CUX2: variants seen among roughly 807,000 people sequenced by gnomAD.
CUX2 encodes cut like homeobox 2.
In CUX2, 40 loss-of-function variants were observed where a neutral mutation model predicts 144.8. That is an observed-to-expected ratio of 0.28 (90% confidence interval 0.21 to 0.36). The LOEUF is 0.36. CUX2 is among the 10% of genes least tolerant of loss of function. The pLI, the probability that CUX2 is intolerant of heterozygous loss-of-function variation, is 1.00. For synonymous variants in CUX2, 827 were observed against 875.6 expected, an observed-to-expected ratio of 0.94 and a Z score of 0.98; for missense variants, 1,615 against 1,994.0, an observed-to-expected ratio of 0.81 and a Z score of 3.62.
At chr12:111,105,665 T>G (rs896913888) in intron 1 of CUX2, among the ~76,000 whole-genome samples, 1 of 152,186 alleles carries the variant, frequency 6.6e-6, no homozygotes, top group Non-Finnish European at 1.5e-5. Flanking sequence ...AGACCTGGGT[T>G]TGAAGCCTGC....
intron 18 of CUX2, among the ~76,000 whole-genome samples, chr12:111,331,956 T>C (rs1888136263): frequency 6.6e-6 from 1 of 151,690 alleles, no homozygotes; most frequent in Non-Finnish European, 1.5e-5. Context: ...GGCAAACGCT[T>C]GTAATCCCAG....
At chr12:111,169,355 C>T (rs980770264) in intron 1 of CUX2, among the ~76,000 whole-genome samples, 2 of 152,192 alleles carry the variant, frequency 1.3e-5, no homozygotes, top group Non-Finnish European at 2.9e-5. Context: ...TTCCAGCCTC[C>T]AGAAGCGGGA....
rs905431406 is a variant in CUX2, at chr12:111,186,554, G to A, written c.64-27646G>A. ...CCACACCCGGCCACCAGGACCCATG[G>A]TTGCTGAGAGAGAGAAGGGCGACTC... On this transcript the variant is annotated intron_variant, in intron 1 of 21. Transcript: ENST00000261726. The surrounding 1 kb of genome is among the most constrained non-coding windows in gnomAD (Gnocchi z 4.4). 1.3e-5 allele frequency among the ~76,000 whole-genome samples: 2 copies of A among 152,182 alleles called. No individual in the cohort carries two copies. Among genetic ancestry groups the A allele is most frequent in the African/African-American group, 4.8e-5 (2 of 41,450 alleles).
At chr12:111,150,411 C>T (rs1280322496) in intron 1 of CUX2, among the ~76,000 whole-genome samples, 7 of 152,190 alleles carry the variant, frequency 4.6e-5, no homozygotes, top group South Asian at 4.1e-4. Context: ...GCCAAAGCCA[C>T]GCAAAGAAAC....
At chr12:111,189,270 T>G (rs2136191919) in intron 1 of CUX2, among the ~76,000 whole-genome samples, 1 of 152,134 alleles carries the variant, frequency 6.6e-6, no homozygotes, top group Non-Finnish European at 1.5e-5. Context: ...AGACCCTGTC[T>G]CAAAAAGAAA....
chr12:111,115,534 C>A (rs1360368096), intron 1 of CUX2, among the ~76,000 whole-genome samples: 1 of 152,032 alleles, frequency 6.6e-6, no homozygotes, highest in Non-Finnish European at 1.5e-5. Flanking sequence ...ATCTGCCCAC[C>A]TTGGCCTTCC....
At chr12:111,150,021 A>G (rs1876936351) in intron 1 of CUX2, among the ~76,000 whole-genome samples, 1 of 152,236 alleles carries the variant, frequency 6.6e-6, no homozygotes, top group African/African-American at 2.4e-5. Context: ...GAATAAAGCC[A>G]GGAGTAATAC....
intron 3 of CUX2, among the ~76,000 whole-genome samples, chr12:111,236,978 A>G (rs1219903352): frequency 1.3e-5 from 2 of 152,100 alleles, no homozygotes; most frequent in East Asian, 1.9e-4. Context: ...ATGAGACCTC[A>G]TCTCTACAAA....
intron 3 of CUX2, among the ~76,000 whole-genome samples, chr12:111,261,202 G>C (rs959317763): frequency 6.6e-6 from 1 of 152,196 alleles, no homozygotes; most frequent in Non-Finnish European, 1.5e-5. Flanking sequence ...GTGACCTTGG[G>C]CAAGTGGCTT....
chr12:111,341,928 G>A lies in CUX2; in HGVS notation c.3534G>A (p.Glu1178=). 1 of 1,614,142 alleles carries A rather than the reference G, an allele frequency of 6.2e-7. No individual in the cohort carries two copies. The highest frequency in any genetic ancestry group is 8.5e-7 in the Non-Finnish European group (1 of 1,180,028). Residue 1178 remains glutamate, a synonymous_variant, in exon 21 of 22, where the codon GAG becomes GAA. Transcript: ENST00000261726. ...IKKPRVVLAP[E]EKEALRKAYQ... is the part of the protein sequence containing the mutation. The stretch of plus-strand genomic sequence containing the variant: ...AGCCCCGGGTGGTGCTGGCACCCGA[G>A]GAGAAGGAGGCACTGCGGAAGGCCT...
chr12:111,097,563 T>C (rs1872894188), intron 1 of CUX2, among the ~76,000 whole-genome samples: 1 of 152,210 alleles, frequency 6.6e-6, no homozygotes, highest in African/African-American at 2.4e-5. Flanking sequence ...TACATATTCA[T>C]GTGCCTACCC....
In CUX2 at chr12:111,219,384, C is replaced by CA. The variant is rs751519383; in HGVS notation, c.222+1462dup. On this transcript the variant is annotated intron_variant, in intron 3 of 21. Coordinates refer to ENST00000261726, the MANE Select transcript of CUX2 (RefSeq NM_015267.4). Reference sequence around the variant, plus strand: ...TATATAATGTCATGACTTTGTGTTACAAAAAAAAAAAAAAATAGAGGTTCC... The same window carrying CA: ...TATATAATGTCATGACTTTGTGTTACAAAAAAAAAAAAAAAATAGAGGTTCC... 3.7e-3 allele frequency among the ~76,000 whole-genome samples: 448 copies of CA among 120,332 alleles called. 1 individual carries two copies. Among genetic ancestry groups the CA allele is most frequent in the South Asian group, 0.013 (48 of 3,752 alleles). The allele number at this position is 120,332 out of a possible 152,430, so 78.9% of individuals were successfully genotyped here. A position where few individuals can be genotyped will look rare whatever the true frequency, so the allele number is the denominator to read the frequency against.
intron 16 of CUX2, among the ~76,000 whole-genome samples, chr12:111,318,252 T>TTTTTTTTTTTC (rs1887299868): frequency 6.7e-6 from 1 of 148,448 alleles, no homozygotes; most frequent in African/African-American, 2.5e-5. Context: ...TTTCTTTTTT[T>TTTTTTTTTTTC]TTTTTTTTTC....
rs148979749 is a variant in CUX2 at position 111,245,273 on chromosome 12, C to T, written c.223-18488C>T. 8.0e-4 allele frequency among the ~76,000 whole-genome samples: 122 copies of T among 152,134 alleles called. 1 individual carries two copies. The highest frequency in any genetic ancestry group is 5.8e-3 in the South Asian group (28 of 4,824). ...TGGTGCAGCCAGGCACAGTGACTCA[C>T]GCTCGTAATCCCAGCACTTTGGGAG... is the stretch of plus-strand genomic sequence containing the variant. On this transcript the variant is annotated intron_variant, in intron 3 of 21. Transcript: ENST00000261726.
intron 4 of CUX2, among the ~76,000 whole-genome samples, chr12:111,281,426 G>A (rs550635083): frequency 1.0e-3 from 152 of 152,096 alleles, no homozygotes; most frequent in Non-Finnish European, 1.7e-3. Flanking sequence ...AAGGTGAGTC[G>A]AGATCCCCCC....
In CUX2 at chr12:111,288,954, AAAAT is replaced by A. The variant is rs530875402; in HGVS notation, c.302-2454_302-2451del. ...CTCCGGCCTGGGCAACAGCACAAAA[AAAAT>A]AAATAAATACAAAAATTACCCAGGC... On this transcript the variant is annotated intron_variant, in intron 4 of 21. Transcript: ENST00000261726. Among the ~76,000 whole-genome samples the A allele has an allele frequency of 5.4e-3, 814 of 151,552 alleles. 11 individuals carry two copies. Among genetic ancestry groups the A allele is most frequent in the African/African-American group, 0.019 (782 of 41,298 alleles).
intron 1 of CUX2, among the ~76,000 whole-genome samples, chr12:111,084,886 T>G (rs768168496): frequency 6.6e-6 from 1 of 152,088 alleles, no homozygotes; most frequent in Non-Finnish European, 1.5e-5. Context: ...TGCAGGGGAT[T>G]GGAGGGACCT....
At position 111,310,171 on chromosome 12, in the gene CUX2, G is replaced by A; in HGVS notation, c.1389G>A (p.Leu463=). ...TGTCTCCCAGCCCCGGGCAGCCCCT[G>A]CTGGGCCCCAGCTTGGGGCCTGACG... The part of the protein sequence containing the change: ...DPLSPSPGQP[L]LGPSLGPDGT... Residue 463 remains leucine, a synonymous_variant, in exon 15 of 22, where the codon CTG becomes CTA. Transcript: ENST00000261726. The surrounding 1 kb of genome is among the most constrained non-coding windows in gnomAD (Gnocchi z 7.9). The A allele has an allele frequency of 6.4e-7, 1 of 1,554,866 alleles. No homozygotes were observed. Among genetic ancestry groups the A allele is most frequent in the Non-Finnish European group, 8.7e-7 (1 of 1,152,188 alleles).
chr12:111,321,196 C>A (rs562721675), intron 17 of CUX2, among the ~76,000 whole-genome samples: 2 of 151,676 alleles, frequency 1.3e-5, no homozygotes, highest in Admixed American at 6.6e-5. Flanking sequence ...AAGCTGGGCA[C>A]GGTGGCTCAC....
Sources: allele counts gnomAD v4.1 joint callset (sites outside exome capture counted in the v4.1 genomes callset), GRCh38; gene constraint gnomAD v4.1.1; non-coding constraint Gnocchi (gnomAD v3.1); transcripts MANE v1.5; gene names NCBI Gene and HGNC (gene_info 2026-07-23, HGNC 2026-07-21).